KCNV2: variants seen among roughly 807,000 people sequenced by gnomAD.
KCNV2 encodes potassium voltage-gated channel subfamily V member 2.
In KCNV2, 65 loss-of-function variants were observed where a neutral mutation model predicts 37.0. The ratio of observed to expected loss-of-function variants is 1.76; its 90% CI spans 1.44 to 2.16. KCNV2 has a LOEUF of 2.16. KCNV2 is among the 30% of genes most tolerant of loss of function. The probability of loss-of-function intolerance (pLI) is 0.00; values close to 1 mark genes in which losing one functional copy is unlikely to be tolerated. For missense variants in KCNV2, 1,232 were observed against 766.7 expected (o/e 1.61, Z -7.17); for synonymous variants, 518 against 328.6 (o/e 1.58, Z -6.23).
At chr9:2,726,829 G>A (rs188406454) in intron 1 of KCNV2, among the ~76,000 whole-genome samples, 41 of 152,260 alleles carry the variant, frequency 2.7e-4, no homozygotes, top group Admixed American at 1.5e-3. Context: ...CAACCACAGC[G>A]TTAGATTCTC....
chr9:2,720,687 T>A (rs1407528399), intron 1 of KCNV2, among the ~76,000 whole-genome samples: 1 of 152,202 alleles, frequency 6.6e-6, no homozygotes, highest in African/African-American at 2.4e-5. Flanking sequence ...AAATTTCTAT[T>A]CATCTAAACA....
chr9:2,729,531 G>C lies in KCNV2; in HGVS notation c.1442G>C (p.Gly481Ala). The C allele has an allele frequency of 6.2e-7, 1 of 1,613,966 alleles. No homozygotes were observed. The highest frequency in any genetic ancestry group is 8.5e-7 in the Non-Finnish European group (1 of 1,179,982). The change falls in exon 2 of 2, where the codon GGG (glycine) becomes GCG (alanine). Residue 481 changes from glycine to alanine, a missense_variant. Coordinates refer to ENST00000382082, the MANE Select transcript of KCNV2 (RefSeq NM_133497.4). ...TTTGCCTTCCTCTGCATTGCTTTTG[G>C]GATCATTCTCAACGGGATGCCCATT... is the stretch of plus-strand genomic sequence containing the variant. ...RFFAFLCIAF[G>A]IILNGMPISI... is the part of the protein sequence containing the mutation.
At chr9:2,722,227 A>G (rs1819886530) in intron 1 of KCNV2, among the ~76,000 whole-genome samples, 1 of 144,672 alleles carries the variant, frequency 6.9e-6, no homozygotes, top group Admixed American at 7.0e-5. Context: ...GAAGTTATTT[A>G]TTTATAAATA....
chr9:2,722,188 ATAGAAGTTATTTATTTATAAATAAAT>A lies in KCNV2; in HGVS notation c.1356+3137_1356+3162del, dbSNP rs1563797738. On this transcript the variant is annotated intron_variant, in intron 1 of 1. Coordinates refer to ENST00000382082, the MANE Select transcript of KCNV2 (RefSeq NM_133497.4). ...AAATTAGAAGTTATTTATAAATAAA[ATAGAAGTTATTTATTTATAAATAAAT>A]TAGAAGTTATTTATTTATAAATAAA... is the stretch of plus-strand genomic sequence containing the variant. Among the ~76,000 whole-genome samples, 90 of 111,012 alleles carry A rather than the reference ATAGAAGTTATTTATTTATAAATAAAT, an allele frequency of 8.1e-4. 1 individual carries two copies. Among genetic ancestry groups the A allele is most frequent in the South Asian group, 9.7e-4 (4 of 4,120 alleles). The allele number at this position is 111,012 out of a possible 152,430, so 72.8% of individuals were successfully genotyped here.
In KCNV2 at chr9:2,718,347, T is replaced by C; in HGVS notation, c.608T>C (p.Phe203Ser). The C allele has an allele frequency of 6.2e-7, 1 of 1,601,526 alleles. No homozygotes were observed. The highest frequency in any genetic ancestry group is 8.5e-7 in the Non-Finnish European group (1 of 1,175,838). Residue 203 changes from phenylalanine (F) to serine (S), a missense_variant, in exon 1 of 2, where the codon TTC becomes TCC. Transcript: ENST00000382082. ...ACGCCACGCTGCTGCCGCATCTGCT[T>C]CGAGGAGCGGCGCGACGAGCTGAGC... ...KYTPRCCRICFEERRDELSER... is the reference protein window; with the variant it reads ...KYTPRCCRICSEERRDELSER...
chr9:2,725,780 T>A (rs1386065612), intron 1 of KCNV2, among the ~76,000 whole-genome samples: 1 of 152,196 alleles, frequency 6.6e-6, no homozygotes, highest in Non-Finnish European at 1.5e-5. Context: ...GTGCCAAGAT[T>A]GATTCCATTC....
At chr9:2,727,612 G>A (rs987014138) in intron 1 of KCNV2, among the ~76,000 whole-genome samples, 10 of 152,116 alleles carry the variant, frequency 6.6e-5, no homozygotes, top group Non-Finnish European at 1.2e-4. Context: ...TAAGCATAAC[G>A]TATATAGAGT....
intron 1 of KCNV2, among the ~76,000 whole-genome samples, chr9:2,724,569 T>C (rs935650773): frequency 2.6e-5 from 4 of 152,104 alleles, no homozygotes; most frequent in Non-Finnish European, 4.4e-5. Context: ...GGAAAAGGTG[T>C]TGCCACCAGA....
At chr9:2,722,560 A>T (rs1563798091) in intron 1 of KCNV2, among the ~76,000 whole-genome samples, 1 of 143,920 alleles carries the variant, frequency 6.9e-6, no homozygotes, top group East Asian at 2.0e-4. Flanking sequence ...TTTATAAATA[A>T]ATTAGAAGTT....
chr9:2,717,652 C>T lies in KCNV2; in HGVS notation c.-88C>T, dbSNP rs1363499590. 3 of 1,559,018 alleles carry T rather than the reference C, an allele frequency of 1.9e-6. No individual in the cohort carries two copies. The African/African-American group carries it at 4.1e-5, about 21-fold the overall frequency. On this transcript the variant is annotated 5_prime_UTR_variant, in exon 1 of 2. The change creates a new upstream start codon in the 5' untranslated region. Coordinates refer to ENST00000382082, the MANE Select transcript of KCNV2 (RefSeq NM_133497.4). ...GGCCTCTCTAAGACAGTGCAGGCCA[C>T]GTGATCCATCCTCCTAGAGGCAGTG...
chr9:2,719,072 C>G lies in KCNV2; in HGVS notation c.1333C>G (p.Pro445Ala), dbSNP rs1221044669. The G allele has an allele frequency of 6.2e-7, 1 of 1,611,558 alleles. No individual in the cohort carries two copies. The highest frequency in any genetic ancestry group is 2.2e-5 in the East Asian group (1 of 44,880). The change falls in exon 1 of 2, where the codon CCC becomes GCC. Residue 445 changes from proline to alanine, a missense_variant. Coordinates refer to ENST00000382082, the MANE Select transcript of KCNV2 (RefSeq NM_133497.4). ...GCCCAGCACCAACTTCACTACCATCCCCCACTCCTGGTGGTGGGCCGCGGT... is the reference window on the plus strand; with the variant it reads ...GCCCAGCACCAACTTCACTACCATCGCCCACTCCTGGTGGTGGGCCGCGGT... The part of the protein sequence containing the change: ...DVPSTNFTTI[P>A]HSWWWAAVSI...
rs1819758710 is a variant in KCNV2 at position 2,717,772 on chromosome 9, G to C, written c.33G>C (p.Trp11Cys). 1 of 1,614,198 alleles carries C rather than the reference G, an allele frequency of 6.2e-7. No individual in the cohort carries two copies. The change falls in exon 1 of 2, where the codon TGG becomes TGC. Residue 11 changes from tryptophan to cysteine, a missense_variant. By Grantham distance (215) the Trp-to-Cys change is radical. Coordinates refer to ENST00000382082, the MANE Select transcript of KCNV2 (RefSeq NM_133497.4). ...AACAGAGTGAGAGGAGACGGTCCTG[G>C]AGCTACAGGCCCTGGAACACGACGG... MLKQSERRRSWSYRPWNTTEN... is the reference protein window; with the variant it reads MLKQSERRRSCSYRPWNTTEN...
chr9:2,721,338 C>T (rs1205980098), intron 1 of KCNV2, among the ~76,000 whole-genome samples: 1 of 152,164 alleles, frequency 6.6e-6, no homozygotes, highest in African/African-American at 2.4e-5. Context: ...AGCAATTGCC[C>T]TTGAATATTC....
At position 2,729,547 on chromosome 9, in the gene KCNV2, G is replaced by A. The variant is rs1434560252; in HGVS notation, c.1458G>A (p.Gly486=). 1.2e-6 allele frequency: 2 copies of A among 1,614,084 alleles called. No homozygotes were observed. The highest frequency in any genetic ancestry group is 3.3e-5 in the Admixed American group (2 of 60,012). The change falls in exon 2 of 2, where the codon GGG becomes GGA. Residue 486 remains glycine (G), a synonymous_variant. Transcript: ENST00000382082. ...TTGCTTTTGGGATCATTCTCAACGGGATGCCCATTTCCATCCTCTACAACA... is the reference window on the plus strand; with the variant it reads ...TTGCTTTTGGGATCATTCTCAACGGAATGCCCATTTCCATCCTCTACAACA... The part of the protein sequence containing the change: ...LCIAFGIILN[G]MPISILYNKF...
At chr9:2,722,803 T>C (rs185841206) in intron 1 of KCNV2, among the ~76,000 whole-genome samples, 33 of 152,304 alleles carry the variant, frequency 2.2e-4, no homozygotes, top group Admixed American at 1.8e-3. Flanking sequence ...CTCATTCACA[T>C]GCCTGATGGT....
rs559765711 is a variant in KCNV2, at chr9:2,719,080, C to T, written c.1341C>T (p.Ser447=). The change falls in exon 1 of 2, where the codon TCC becomes TCT. Residue 447 remains serine (S), a synonymous_variant. Coordinates refer to ENST00000382082, the MANE Select transcript of KCNV2 (RefSeq NM_133497.4). ...PSTNFTTIPH[S]WWWAAVSIST... ...CCAACTTCACTACCATCCCCCACTC[C>T]TGGTGGTGGGCCGCGGTGAGTACCT... 32 of 1,611,000 alleles carry T rather than the reference C, an allele frequency of 2.0e-5. No homozygotes were observed. The African/African-American group carries it at 3.5e-4, about 17-fold the overall frequency.
chr9:2,717,670 A>C lies in KCNV2; in HGVS notation c.-70A>C, dbSNP rs1819753848. The C allele has an allele frequency of 1.9e-6, 3 of 1,593,394 alleles. No homozygotes were observed. The highest frequency in any genetic ancestry group is 2.6e-6 in the Non-Finnish European group (3 of 1,162,430). ...CAGGCCACGTGATCCATCCTCCTAGAGGCAGTGAGCAGGTGAGGGACCCCT... is the reference window on the plus strand; with the variant it reads ...CAGGCCACGTGATCCATCCTCCTAGCGGCAGTGAGCAGGTGAGGGACCCCT... On this transcript the variant is annotated 5_prime_UTR_variant, in exon 1 of 2. Coordinates refer to ENST00000382082, the MANE Select transcript of KCNV2 (RefSeq NM_133497.4).
chr9:2,718,561 G>C lies in KCNV2; in HGVS notation c.822G>C (p.Val274=). Residue 274 remains valine, a synonymous_variant, in exon 1 of 2, where the codon GTG becomes GTC. Transcript: ENST00000382082. ...VASSTFVLVS[V]VALALNTVEE... ...CCAGCACCTTCGTGCTCGTCTCCGT[G>C]GTGGCGCTGGCGCTCAACACCGTGG... 6.2e-7 allele frequency: 1 copy of C among 1,612,502 alleles called. No homozygotes were observed. Among genetic ancestry groups the C allele is most frequent in the Non-Finnish European group, 8.5e-7 (1 of 1,179,670 alleles).
chr9:2,722,285 T>G (rs1471400565), intron 1 of KCNV2, among the ~76,000 whole-genome samples: 1 of 131,136 alleles, frequency 7.6e-6, no homozygotes, highest in East Asian at 2.0e-4. Flanking sequence ...ATTTACAAAT[T>G]AGAAGTTATT....
Sources: gnomAD v4.1 joint callset for allele counts (sites outside exome capture counted in the v4.1 genomes callset) on GRCh38, gnomAD v4.1.1 for gene constraint, MANE v1.5 for transcripts, NCBI Gene and HGNC (gene_info 2026-07-23, HGNC 2026-07-21) for gene names.